SEMA3A: variants seen among roughly 807,000 people sequenced by gnomAD.
The protein encoded by SEMA3A is semaphorin 3A, also known as semaphorin-3A.
Under a neutral mutation model 97.9 loss-of-function variants are expected in SEMA3A, and 29 were observed. The observed-to-expected ratio is 0.30, with a 90% CI of 0.22 to 0.40. The LOEUF is 0.40. Among genes scored for constraint, SEMA3A ranks in the 10% least tolerant of loss-of-function variants. The pLI is 1.00. For missense variants in SEMA3A, 763 were observed against 951.3 expected (o/e 0.80, Z 2.60); for synonymous variants, 321 against 323.7 (o/e 0.99, Z 0.09).
At chr7:84,027,911 TA>T (rs1426360863) in intron 6 of SEMA3A, among the ~76,000 whole-genome samples, 1 of 152,220 alleles carries the variant, frequency 6.6e-6, no homozygotes, top group African/African-American at 2.4e-5. Context: ...CATGGTTGAT[TA>T]CTTCTGCTTC....
chr7:84,139,711 G>A (rs1334153416), intron 1 of SEMA3A, among the ~76,000 whole-genome samples: 3 of 151,956 alleles, frequency 2.0e-5, no homozygotes, highest in African/African-American at 7.2e-5. Context: ...TAAATAAATT[G>A]TACTCTCTTG....
At chr7:84,179,781 T>A (rs1456885993) in intron 1 of SEMA3A, among the ~76,000 whole-genome samples, 1 of 151,776 alleles carries the variant, frequency 6.6e-6, no homozygotes, top group African/African-American at 2.4e-5. Context: ...AAGAGAACAA[T>A]AAGTATAGAA....
At chr7:84,045,536 G>A (rs1280967033) in intron 6 of SEMA3A, among the ~76,000 whole-genome samples, 1 of 151,634 alleles carries the variant, frequency 6.6e-6, no homozygotes, top group East Asian at 1.9e-4. Flanking sequence ...ACTCTAGGTA[G>A]AAGGATATAA....
At chr7:84,417,333 A>C (rs548748966) in intron 1 of SEMA3A, among the ~76,000 whole-genome samples, 1 of 152,212 alleles carries the variant, frequency 6.6e-6, no homozygotes, top group East Asian at 1.9e-4. Flanking sequence ...ATTTAAATCA[A>C]TATATAGTAT....
At chr7:84,278,159 T>C (rs1800356339) in intron 3 of SEMA3A, among the ~76,000 whole-genome samples, 1 of 152,138 alleles carries the variant, frequency 6.6e-6, no homozygotes, top group South Asian at 2.1e-4. Flanking sequence ...AAGTTCAAAG[T>C]TCCACAGGTC....
chr7:84,356,975 TTGCTAG>T (rs1802576029), intron 2 of SEMA3A, among the ~76,000 whole-genome samples: 1 of 151,806 alleles, frequency 6.6e-6, no homozygotes, highest in South Asian at 2.1e-4. Context: ...TAAAAAAAAG[TTGCTAG>T]GCAACCTTTA....
chr7:84,055,138 A>C (rs979231329), intron 5 of SEMA3A, among the ~76,000 whole-genome samples: 1 of 151,958 alleles, frequency 6.6e-6, no homozygotes, highest in African/African-American at 2.4e-5. Context: ...AAGTCTGCAG[A>C]GGTTACTGCT....
At chr7:84,377,551 G>T (rs990142922) in intron 1 of SEMA3A, among the ~76,000 whole-genome samples, 1 of 152,042 alleles carries the variant, frequency 6.6e-6, no homozygotes, top group African/African-American at 2.4e-5. Flanking sequence ...CTCCAGCTTT[G>T]TTCTTTTTGC....
chr7:84,052,028 T>C (rs1792684307), intron 5 of SEMA3A, among the ~76,000 whole-genome samples: 1 of 152,032 alleles, frequency 6.6e-6, no homozygotes, highest in Non-Finnish European at 1.5e-5. Flanking sequence ...GATTTGCGTA[T>C]ATTGAACCAG....
intron 6 of SEMA3A, among the ~76,000 whole-genome samples, chr7:84,016,466 A>G (rs1268063651): frequency 6.7e-6 from 1 of 150,012 alleles, no homozygotes; most frequent in Non-Finnish European, 1.5e-5. Context: ...TTAACCCGGG[A>G]GGCGGAGCTT....
intron 1 of SEMA3A, among the ~76,000 whole-genome samples, chr7:84,473,728 T>C (rs1171867220): frequency 6.6e-6 from 1 of 152,106 alleles, no homozygotes; most frequent in Non-Finnish European, 1.5e-5. Flanking sequence ...AATATAAATA[T>C]CTGATAAATC....
At chr7:84,288,019 G>GGGGA (rs1800635556) in intron 3 of SEMA3A, among the ~76,000 whole-genome samples, 1 of 152,114 alleles carries the variant, frequency 6.6e-6, no homozygotes, top group Non-Finnish European at 1.5e-5. Context: ...TAGATACAAT[G>GGGGA]TGTAGTCCAA....
At chr7:84,413,252 C>T (rs999456851) in intron 1 of SEMA3A, among the ~76,000 whole-genome samples, 8 of 152,108 alleles carry the variant, frequency 5.3e-5, no homozygotes, top group African/African-American at 1.7e-4. Flanking sequence ...GGTTTTTTAA[C>T]AATGAAAGTC....
chr7:84,217,488 A>G (rs1798776987), intron 3 of SEMA3A, among the ~76,000 whole-genome samples: 1 of 152,164 alleles, frequency 6.6e-6, no homozygotes, highest in Admixed American at 6.6e-5. Context: ...TCTAAACATT[A>G]TGTTATAATA....
intron 1 of SEMA3A, among the ~76,000 whole-genome samples, chr7:84,421,027 A>G (rs1346105783): frequency 6.6e-6 from 1 of 151,874 alleles, no homozygotes; most frequent in African/African-American, 2.4e-5. Flanking sequence ...CTTTTCTGCT[A>G]GATTTTGAAT....
At chr7:84,478,952 A>G (rs900449499) in intron 1 of SEMA3A, among the ~76,000 whole-genome samples, 7 of 152,320 alleles carry the variant, frequency 4.6e-5, no homozygotes, top group Admixed American at 2.0e-4. Flanking sequence ...TACTTATAAA[A>G]GCATCCTCTA....
At chr7:84,171,382 T>G (rs1011594637) in intron 1 of SEMA3A, among the ~76,000 whole-genome samples, 136 of 152,214 alleles carry the variant, frequency 8.9e-4, no homozygotes, top group Non-Finnish European at 7.2e-4. Context: ...GCAATTTCAG[T>G]GTTCAAACTG....
intron 3 of SEMA3A, among the ~76,000 whole-genome samples, chr7:84,205,671 T>G (rs1165683750): frequency 6.6e-6 from 1 of 152,170 alleles, no homozygotes. Flanking sequence ...TGCATAAGTG[T>G]CAATCCATGG....
chr7:84,192,235 A>G (rs1470355187), intron 1 of SEMA3A, among the ~76,000 whole-genome samples: 1 of 151,940 alleles, frequency 6.6e-6, no homozygotes, highest in Non-Finnish European at 1.5e-5. Flanking sequence ...AAAAATCTCT[A>G]TTGTACTTTA....
Sources: gnomAD v4.1 joint callset for allele counts (sites outside exome capture counted in the v4.1 genomes callset) on GRCh38, gnomAD v4.1.1 for gene constraint, MANE v1.5 for transcripts, NCBI Gene and HGNC (gene_info 2026-07-23, HGNC 2026-07-21) for gene names.